RPAP2: variants seen among roughly 807,000 people sequenced by gnomAD.
RPAP2 encodes the protein RNA polymerase II associated protein 2.
In RPAP2, 52 loss-of-function variants were observed where a neutral mutation model predicts 73.1. The ratio of observed to expected loss-of-function variants is 0.71; its 90% CI spans 0.57 to 0.90. RPAP2 has a LOEUF of 0.90. RPAP2 is among the 40% of genes least tolerant of loss of function. The pLI is 0.00. For missense variants in RPAP2, 598 were observed against 701.8 expected (o/e 0.85, Z 1.67); for synonymous variants, 225 against 242.1 (o/e 0.93, Z 0.65).
At chr1:92,302,820 T>C (rs1650959188) in intron 3 of RPAP2, among the ~76,000 whole-genome samples, 1 of 151,880 alleles carries the variant, frequency 6.6e-6, no homozygotes. Flanking sequence ...CAGGATGGTC[T>C]CGATTTCCTA....
rs1437107435 is a variant in RPAP2 at position 92,312,557 on chromosome 1, GA to G, written c.488+5284del. Among the ~76,000 whole-genome samples, 6 of 152,262 alleles carry G rather than the reference GA, an allele frequency of 3.9e-5. No individual in the cohort carries two copies. The East Asian group carries it at 1.2e-3, about 29-fold the overall frequency. On this transcript the variant is annotated intron_variant, in intron 6 of 12. Transcript: ENST00000610020. ...TCATCAGGAGTAGATTCCATCTCAA[GA>G]AACCAGTTTCTTTGCCTATCCATAA...
At chr1:92,369,930 G>A (rs1655080684) in intron 11 of RPAP2, among the ~76,000 whole-genome samples, 1 of 152,148 alleles carries the variant, frequency 6.6e-6, no homozygotes, top group Admixed American at 6.5e-5. Context: ...TGTCACCCAG[G>A]CTGGAGTGCA....
intron 2 of RPAP2, 85 bp downstream of exon 2, chr1:92,300,324 T>A: frequency 2.1e-6 from 1 of 477,584 alleles, no homozygotes; most frequent in Non-Finnish European, 3.3e-6. Flanking sequence ...AATGGTTACC[T>A]TTTTTTTTTT....
rs1466281085 is a variant in RPAP2, at chr1:92,388,184, G to A, written c.*1173G>A. ...ATTGTGTTCACAATATCACCAAAGA[G>A]AATTAAATACTTAGGAATAAATTTA... is the stretch of plus-strand genomic sequence containing the variant. On this transcript the variant is annotated 3_prime_UTR_variant, in exon 13 of 13. Transcript: ENST00000610020. 6.6e-6 allele frequency: 1 copy of A among 152,108 alleles called. No individual in the cohort carries two copies. Among genetic ancestry groups the A allele is most frequent in the Non-Finnish European group, 1.5e-5 (1 of 68,012 alleles). 9.4% of individuals were successfully genotyped at this position (152,108 alleles called of 1,614,324 possible). A position where few individuals can be genotyped will look rare whatever the true frequency, so the allele number is the denominator to read the frequency against.
At chr1:92,308,116 G>T (rs762665297) in intron 6 of RPAP2, among the ~76,000 whole-genome samples, 3 of 151,758 alleles carry the variant, frequency 2.0e-5, no homozygotes, top group Admixed American at 6.6e-5. Flanking sequence ...TTTCTGATGC[G>T]TAAGGCGATG....
intron 5 of RPAP2, among the ~76,000 whole-genome samples, chr1:92,305,927 A>AT (rs1338509178): frequency 6.6e-5 from 10 of 152,202 alleles, no homozygotes; most frequent in African/African-American, 2.4e-4. Context: ...AAGCCTTTCT[A>AT]TTCCTTGGTA....
intron 6 of RPAP2, among the ~76,000 whole-genome samples, chr1:92,317,197 G>A (rs914033805): frequency 2.0e-5 from 3 of 151,902 alleles, no homozygotes; most frequent in East Asian, 1.9e-4. Flanking sequence ...TCAAAACTTC[G>A]GTTTCCTCAT....
At chr1:92,313,045 T>C (rs1316116515) in intron 6 of RPAP2, among the ~76,000 whole-genome samples, 1 of 152,176 alleles carries the variant, frequency 6.6e-6, no homozygotes, top group Admixed American at 6.5e-5. Context: ...TTTGTATTTT[T>C]AGTAGAGATG....
Position 92,323,503 on chromosome 1 carries a change from G to A in RPAP2, c.583G>A (p.Asp195Asn), listed in dbSNP as rs190991935. ...TAAAGCCATTAAAACATCAGATATC[G>A]ACAATCCTAGCCACTTTGAAAAGCA... ...CSKAIKTSDI[D>N]NPSHFEKQYE... is the part of the protein sequence containing the mutation. Residue 195 changes from aspartate (D) to asparagine (N), a missense_variant, in exon 8 of 13, where the codon GAC becomes AAC. This residue lies in a region of RPAP2 where 506 missense variants were observed against 612.8 expected (regional missense o/e 0.83). Coordinates refer to ENST00000610020, the MANE Select transcript of RPAP2 (RefSeq NM_024813.3). The A allele has an allele frequency of 8.1e-6, 13 of 1,613,592 alleles. No individual in the cohort carries two copies. In the Admixed American group the frequency reaches 1.3e-4, roughly 17 times the overall value.
intron 11 of RPAP2, among the ~76,000 whole-genome samples, chr1:92,373,739 T>TAAAAAAAAAAAAAAA (rs59586077): frequency 1.2e-5 from 1 of 80,484 alleles, no homozygotes; most frequent in Non-Finnish European, 2.5e-5. Context: ...CTACTAAAAA[T>TAAAAAAAAAAAAAAA]AAAAAAAAAA....
At position 92,393,221 on chromosome 1, in the gene RPAP2, G is replaced by A. The variant is rs1656099063; in HGVS notation, c.*6210G>A. ...TCTTTGACAAACCTGACACACACAAGCAATGGGGAAAAGATTCCCTATTTA... is the reference window on the plus strand; with the variant it reads ...TCTTTGACAAACCTGACACACACAAACAATGGGGAAAAGATTCCCTATTTA... On this transcript the variant is annotated 3_prime_UTR_variant, in exon 13 of 13. Coordinates refer to ENST00000610020, the MANE Select transcript of RPAP2 (RefSeq NM_024813.3). 6.6e-6 allele frequency: 1 copy of A among 152,154 alleles called. No individual in the cohort carries two copies. Among genetic ancestry groups the A allele is most frequent in the South Asian group, 2.1e-4 (1 of 4,830 alleles). The allele number at this position is 152,154 out of a possible 1,614,324, so 9.4% of individuals were successfully genotyped here. A position where few individuals can be genotyped will look rare whatever the true frequency, so the allele number is the denominator to read the frequency against.
intron 11 of RPAP2, among the ~76,000 whole-genome samples, chr1:92,357,079 A>G (rs1433569461): frequency 7.3e-6 from 1 of 137,008 alleles, no homozygotes; most frequent in Non-Finnish European, 1.5e-5. Flanking sequence ...AAAAAAAAAG[A>G]AAAAAAGGAT....
At position 92,394,372 on chromosome 1, in the gene RPAP2, G is replaced by C. The variant is rs1410995483; in HGVS notation, c.*7361G>C. On this transcript the variant is annotated 3_prime_UTR_variant, in exon 13 of 13. Transcript: ENST00000610020. ...GATAACATTAGGAGAAATACCTAAT[G>C]TAGGTGACAGGTTGGTGGGTGCAGC... The C allele has an allele frequency of 6.6e-6, 1 of 152,246 alleles. No homozygotes were observed. Among genetic ancestry groups the C allele is most frequent in the Non-Finnish European group, 1.5e-5 (1 of 68,060 alleles). 9.4% of individuals were successfully genotyped at this position (152,246 alleles called of 1,614,324 possible).
intron 11 of RPAP2, among the ~76,000 whole-genome samples, chr1:92,370,714 C>T (rs888767672): frequency 2.0e-5 from 3 of 151,534 alleles, no homozygotes; most frequent in East Asian, 1.9e-4. Context: ...TAAAAAAAAA[C>T]ACGGGGGTGG....
chr1:92,301,789 GAA>G (rs1394315712), intron 3 of RPAP2, among the ~76,000 whole-genome samples, 199 bp downstream of exon 3: 1 of 152,094 alleles, frequency 6.6e-6, no homozygotes, highest in Non-Finnish European at 1.5e-5. Flanking sequence ...ATGCACTAAT[GAA>G]AAATAAGTAC....
At chr1:92,365,815 CAT>C (rs985516485) in intron 11 of RPAP2, among the ~76,000 whole-genome samples, 8 of 152,140 alleles carry the variant, frequency 5.3e-5, no homozygotes, top group African/African-American at 1.9e-4. Context: ...ATGAATCAGA[CAT>C]GTGAACTTGT....
intron 8 of RPAP2, among the ~76,000 whole-genome samples, chr1:92,325,864 GCATATAGCTGTAGTT>G (rs1044258153): frequency 6.6e-6 from 1 of 151,666 alleles, no homozygotes; most frequent in African/African-American, 2.4e-5. Context: ...TTGTGTTGTT[GCATATAGCTGTAGTT>G]CATTCTTTTA....
intron 10 of RPAP2, among the ~76,000 whole-genome samples, chr1:92,344,395 A>G (rs981488771): frequency 6.6e-6 from 1 of 152,056 alleles, no homozygotes; most frequent in Non-Finnish European, 1.5e-5. Context: ...ACAGAGCAAG[A>G]CTCTGTCTAA....
chr1:92,337,986 G>T (rs1466615628), intron 10 of RPAP2, among the ~76,000 whole-genome samples: 1 of 152,058 alleles, frequency 6.6e-6, no homozygotes, highest in Non-Finnish European at 1.5e-5. Context: ...AAGTAATCTA[G>T]TGTATTCAAT....
Sources: gnomAD v4.1 joint callset for allele counts (sites outside exome capture counted in the v4.1 genomes callset) on GRCh38, gnomAD v4.1.1 for gene constraint, gnomAD v4.1.1 regional missense constraint, MANE v1.5 for transcripts, NCBI Gene and HGNC (gene_info 2026-07-23, HGNC 2026-07-21) for gene names.